Variants in CREB5 observed in about 807,000 individuals in gnomAD.
The protein encoded by CREB5 is cAMP responsive element binding protein 5.
In CREB5, 19 loss-of-function variants were observed where a neutral mutation model predicts 57.1. The observed-to-expected ratio is 0.33, with a 90% CI of 0.23 to 0.49. CREB5 has a LOEUF of 0.49. Ranked by LOEUF, CREB5 falls within the 20% of genes least tolerant of loss-of-function variation. CREB5 has a pLI of 0.99. For synonymous variants in CREB5, 238 were observed against 238.3 expected (o/e 1.00, Z 0.01); for missense variants, 579 against 671.6 (o/e 0.86, Z 1.52).
At chr7:28,461,955 T>C (rs1436549386) in intron 1 of CREB5, among the ~76,000 whole-genome samples, 1 of 152,178 alleles carries the variant, frequency 6.6e-6, no homozygotes. Context: ...GTATACAATT[T>C]GGTGCATTTT....
At chr7:28,615,804 A>C (rs1459694720) in intron 5 of CREB5, 2 of 152,250 alleles carry the variant, frequency 1.3e-5, no homozygotes, top group African/African-American at 4.8e-5. Flanking sequence ...TCTGTGGTCT[A>C]GGCCAGGTTC....
Position 28,821,642 on chromosome 7 carries a change from A to ATGTT in CREB5, c.*2365_*2368dup, listed in dbSNP as rs1809778314. The stretch of plus-strand genomic sequence containing the variant: ...TTTAATCTGACTGGCTTCCTAAGAA[A>ATGTT]TGTTTAAGACTCAGCTTTAAAAAGA... On this transcript the variant is annotated 3_prime_UTR_variant, in exon 11 of 11. Transcript: ENST00000357727. The ATGTT allele has an allele frequency of 1.3e-5, 2 of 152,180 alleles. No individual in the cohort carries two copies. The highest frequency in any genetic ancestry group is 4.8e-5 in the African/African-American group (2 of 41,462). The allele number at this position is 152,180 out of a possible 1,614,324, so 9.4% of individuals were successfully genotyped here. A position where few individuals can be genotyped will look rare whatever the true frequency, so the allele number is the denominator to read the frequency against.
chr7:28,496,677 C>G (rs1792068622), intron 3 of CREB5, among the ~76,000 whole-genome samples: 1 of 152,202 alleles, frequency 6.6e-6, no homozygotes, highest in African/African-American at 2.4e-5. Flanking sequence ...GAGCCACCCA[C>G]ACATCCAGTG....
At chr7:28,575,897 C>T (rs1379644076) in intron 5 of CREB5, among the ~76,000 whole-genome samples, 8 of 151,950 alleles carry the variant, frequency 5.3e-5, no homozygotes, top group Non-Finnish European at 7.4e-5. Flanking sequence ...CTTCCACTCA[C>T]GGGGTTTTAT....
chr7:28,639,005 A>T (rs160365), intron 5 of CREB5, among the ~76,000 whole-genome samples: 13,037 of 152,232 alleles, frequency 0.086, 652 homozygotes, highest in Non-Finnish European at 0.11. Context: ...GCTACAATTT[A>T]AAAAAGTCTT....
Position 28,484,619 on chromosome 7 carries a change from A to G in CREB5, c.4-3556A>G, listed in dbSNP as rs140947042. 5.3e-5 allele frequency among the ~76,000 whole-genome samples: 8 copies of G among 152,318 alleles called. No individual in the cohort carries two copies. In the East Asian group the frequency reaches 1.5e-3, roughly 29 times the overall value. On this transcript the variant is annotated intron_variant, in intron 1 of 10. Coordinates refer to ENST00000357727, the MANE Select transcript of CREB5 (RefSeq NM_182898.4). ...ACTTGAAGACTTTTATTCCAGTATTACGTTGCTAAAACATATTTGGTCCAT... is the reference window on the plus strand; with the variant it reads ...ACTTGAAGACTTTTATTCCAGTATTGCGTTGCTAAAACATATTTGGTCCAT...
At chr7:28,754,724 A>G (rs886714511) in intron 7 of CREB5, among the ~76,000 whole-genome samples, 2 of 151,728 alleles carry the variant, frequency 1.3e-5, no homozygotes, top group African/African-American at 4.8e-5. Flanking sequence ...AAAAAACTTC[A>G]CTCTTTTTTT....
chr7:28,624,248 T>C (rs1260834670), intron 5 of CREB5, among the ~76,000 whole-genome samples: 5 of 152,162 alleles, frequency 3.3e-5, no homozygotes, highest in Admixed American at 2.6e-4. Flanking sequence ...GAATCAAGCG[T>C]TTACTATTTC....
intron 8 of CREB5, among the ~76,000 whole-genome samples, chr7:28,806,645 G>A (rs554304124): frequency 5.3e-5 from 8 of 152,232 alleles, no homozygotes; most frequent in African/African-American, 1.9e-4. Flanking sequence ...CTGGCTTCTT[G>A]TGCTCCTCCT....
intron 1 of CREB5, among the ~76,000 whole-genome samples, chr7:28,453,639 TA>T (rs1434671570): frequency 6.6e-6 from 1 of 152,174 alleles, no homozygotes; most frequent in Non-Finnish European, 1.5e-5. Context: ...CCTTGCCCAC[TA>T]AAGGCCCATA....
At chr7:28,589,603 G>A (rs1017116992) in intron 5 of CREB5, among the ~76,000 whole-genome samples, 12 of 152,054 alleles carry the variant, frequency 7.9e-5, no homozygotes, top group Admixed American at 6.5e-4. Context: ...TTTCTTTGTG[G>A]TTCTTTTTGT....
chr7:28,337,557 C>G (rs978989737), intron 1 of CREB5, among the ~76,000 whole-genome samples: 1 of 151,410 alleles, frequency 6.6e-6, no homozygotes, highest in Non-Finnish European at 1.5e-5. Context: ...ATATCATTTT[C>G]CATCCTTTAT....
At chr7:28,514,890 G>A (rs908754256) in intron 4 of CREB5, among the ~76,000 whole-genome samples, 2 of 152,166 alleles carry the variant, frequency 1.3e-5, no homozygotes, top group African/African-American at 4.8e-5. Context: ...CTACAGAGTA[G>A]GAGGGACTGG....
Position 28,507,696 on chromosome 7 carries a change from C to A in CREB5, c.250C>A (p.His84Asn). The A allele has an allele frequency of 1.2e-6, 2 of 1,610,880 alleles. No homozygotes were observed. The highest frequency in any genetic ancestry group is 1.7e-6 in the Non-Finnish European group (2 of 1,177,460). ...CAGCGAGCTGGACTGCTCCCTGGAG[C>A]ACGAGTTCAGGAAGGCTCAGGAAGA... ...LFSELDCSLE[H>N]EFRKAQEEES... The change falls in exon 4 of 11, where the codon CAC (histidine) becomes AAC (asparagine). Residue 84 changes from histidine (H) to asparagine (N), a missense_variant. His to Asn is a moderately conservative substitution (Grantham distance 68). Around this residue, in one of 3 missense-constraint regions of CREB5, gnomAD observed 459 missense variants for 515.7 expected, o/e 0.89. Coordinates refer to ENST00000357727, the MANE Select transcript of CREB5 (RefSeq NM_182898.4).
intron 4 of CREB5, among the ~76,000 whole-genome samples, chr7:28,565,090 T>A (rs368785922): frequency 3.3e-5 from 5 of 152,176 alleles, no homozygotes; most frequent in African/African-American, 9.7e-5. Flanking sequence ...ATAGACCTCT[T>A]AACTCCCAAG....
intron 1 of CREB5, among the ~76,000 whole-genome samples, chr7:28,382,890 C>A (rs1481751554): frequency 6.6e-6 from 1 of 151,684 alleles, no homozygotes; most frequent in Non-Finnish European, 1.5e-5. Context: ...GAGAAAAAAA[C>A]TAAATTTAAT....
At chr7:28,782,591 A>G (rs1349489163) in intron 7 of CREB5, among the ~76,000 whole-genome samples, 2 of 152,232 alleles carry the variant, frequency 1.3e-5, no homozygotes, top group Admixed American at 6.5e-5. Flanking sequence ...GAGGCAAAAG[A>G]TGTGAATAGG....
At chr7:28,371,210 C>T (rs1368743337) in intron 1 of CREB5, among the ~76,000 whole-genome samples, 1 of 152,180 alleles carries the variant, frequency 6.6e-6, no homozygotes, top group Non-Finnish European at 1.5e-5. Context: ...GTGGCTCACG[C>T]CTGTAATCCC....
chr7:28,321,503 A>G (rs373312101), intron 1 of CREB5, among the ~76,000 whole-genome samples: 2 of 152,144 alleles, frequency 1.3e-5, no homozygotes, highest in African/African-American at 4.8e-5. Flanking sequence ...AGGCACGTAT[A>G]TTCTCTGGGC....
Sources: gnomAD v4.1 joint callset for allele counts (sites outside exome capture counted in the v4.1 genomes callset) on GRCh38, gnomAD v4.1.1 for gene constraint, gnomAD v4.1.1 regional missense constraint, MANE v1.5 for transcripts, NCBI Gene and HGNC (gene_info 2026-07-23, HGNC 2026-07-21) for gene names.